CHRM3: variants seen among roughly 807,000 people sequenced by gnomAD.
CHRM3 encodes muscarinic acetylcholine receptor M3.
In CHRM3, 11 loss-of-function variants were observed where a neutral mutation model predicts 41.8. The observed-to-expected ratio is 0.26, with a 90% confidence interval of 0.17 to 0.44. The LOEUF (loss-of-function observed/expected upper bound fraction) is 0.44, where lower values mean the gene tolerates loss of function less well. Ranked by LOEUF, CHRM3 falls within the 20% of genes least tolerant of loss-of-function variation. CHRM3 has a pLI of 1.00. For missense variants in CHRM3, 571 were observed against 745.4 expected (o/e 0.77, Z 2.72); for synonymous variants, 297 against 301.4 (o/e 0.99, Z 0.15).
chr1:239,581,300 T>G (rs2148590311), intron 3 of CHRM3, among the ~76,000 whole-genome samples: 1 of 152,260 alleles, frequency 6.6e-6, no homozygotes, highest in East Asian at 1.9e-4. Context: ...TTAAAGAGAA[T>G]AGATATTGCT....
rs10495449 is a variant in CHRM3, at chr1:239,913,308, A to G, written c.*4084A>G. ...CTTTGGTTTTGCAATAGCATTTCTC[A>G]TAACAGAACTGAAACTGTATAGATT... On this transcript the variant is annotated 3_prime_UTR_variant, in exon 7 of 7. Coordinates refer to ENST00000676153, the MANE Select transcript of CHRM3 (RefSeq NM_001375978.1). 0.32 allele frequency: 52,807 copies of G among 166,896 alleles called. 10,703 individuals are homozygous for G. Among genetic ancestry groups the G allele is most frequent in the African/African-American group, 0.6 (24,709 of 41,398 alleles). 10.3% of individuals were successfully genotyped at this position (166,896 alleles called of 1,614,324 possible). A position where few individuals can be genotyped will look rare whatever the true frequency, so the allele number is the denominator to read the frequency against.
intron 6 of CHRM3, among the ~76,000 whole-genome samples, chr1:239,841,250 T>C (rs10925986): frequency 0.028 from 4,329 of 152,256 alleles, 191 homozygotes; most frequent in African/African-American, 0.099. Flanking sequence ...AATAGCAATA[T>C]GGTATGTGTT....
intron 5 of CHRM3, among the ~76,000 whole-genome samples, chr1:239,811,423 A>G (rs939876131): frequency 1.3e-5 from 2 of 152,130 alleles, no homozygotes; most frequent in African/African-American, 2.4e-5. Context: ...CTGTGCCCTA[A>G]AGCCCTTCAC....
At chr1:239,687,943 G>C (rs1659308453) in intron 5 of CHRM3, among the ~76,000 whole-genome samples, 2 of 151,992 alleles carry the variant, frequency 1.3e-5, no homozygotes, top group Non-Finnish European at 2.9e-5. Flanking sequence ...ACATTTCTTA[G>C]AACATGTTAA....
intron 2 of CHRM3, among the ~76,000 whole-genome samples, chr1:239,545,010 T>G (rs1303873055): frequency 6.6e-6 from 1 of 151,134 alleles, no homozygotes; most frequent in Non-Finnish European, 1.5e-5. Flanking sequence ...CATTGCAGAT[T>G]TGTGGTGAAG....
intron 6 of CHRM3, among the ~76,000 whole-genome samples, chr1:239,842,541 C>CT (rs1444205186): frequency 6.6e-6 from 1 of 152,054 alleles, no homozygotes; most frequent in African/African-American, 2.4e-5. Context: ...AGCAGCCCTT[C>CT]TTTCTTAATG....
intron 5 of CHRM3, among the ~76,000 whole-genome samples, chr1:239,755,982 G>A (rs1666211030): frequency 6.6e-6 from 1 of 152,110 alleles, no homozygotes; most frequent in South Asian, 2.1e-4. Context: ...TATAGATGAG[G>A]CAGTTGTATG....
Position 239,505,377 on chromosome 1 carries a change from C to A in CHRM3, c.-422+12570C>A, listed in dbSNP as rs374256890. 1.1e-4 allele frequency among the ~76,000 whole-genome samples: 17 copies of A among 152,148 alleles called. No individual in the cohort carries two copies. The East Asian group carries it at 1.9e-3, about 17-fold the overall frequency. ...CCCACATGTTGTGAGGGGGACCTGG[C>A]AGGAGGTAATTGAATCACTGGGGCA... On this transcript the variant is annotated intron_variant, in intron 2 of 6. Transcript: ENST00000676153.
At chr1:239,484,419 A>G (rs1003741148) in intron 1 of CHRM3, among the ~76,000 whole-genome samples, 3 of 152,036 alleles carry the variant, frequency 2.0e-5, no homozygotes, top group African/African-American at 4.8e-5. Context: ...AGGATAAGGT[A>G]CCTCCCACCA....
At chr1:239,845,482 T>G (rs1448764033) in intron 6 of CHRM3, among the ~76,000 whole-genome samples, 1 of 152,198 alleles carries the variant, frequency 6.6e-6, no homozygotes, top group East Asian at 1.9e-4. Flanking sequence ...GTCTTGTGTC[T>G]CCAGAAGGCT....
intron 3 of CHRM3, among the ~76,000 whole-genome samples, chr1:239,587,941 C>T (rs1473282766): frequency 1.3e-5 from 2 of 152,146 alleles, no homozygotes. Flanking sequence ...CTTATGCATT[C>T]TGATTTTATT....
At chr1:239,758,874 A>C (rs1666457732) in intron 5 of CHRM3, among the ~76,000 whole-genome samples, 1 of 152,218 alleles carries the variant, frequency 6.6e-6, no homozygotes, top group African/African-American at 2.4e-5. Context: ...GGACTGTCAC[A>C]GAAATGTAAG....
At chr1:239,396,193 T>C (rs1659461568) in intron 1 of CHRM3, among the ~76,000 whole-genome samples, 1 of 152,118 alleles carries the variant, frequency 6.6e-6, no homozygotes, top group Non-Finnish European at 1.5e-5. Context: ...TCACTCTTGG[T>C]TTTAGTGTGT....
intron 5 of CHRM3, among the ~76,000 whole-genome samples, chr1:239,768,235 T>A (rs987485059): frequency 2.0e-5 from 3 of 152,176 alleles, no homozygotes; most frequent in Non-Finnish European, 4.4e-5. Context: ...GTAAATTCTT[T>A]CTCCTAAAGC....
At chr1:239,800,684 C>T (rs943992856) in intron 5 of CHRM3, among the ~76,000 whole-genome samples, 2 of 152,168 alleles carry the variant, frequency 1.3e-5, no homozygotes, top group Non-Finnish European at 2.9e-5. Flanking sequence ...GTGGAGTGCA[C>T]CTCCTGCAGG....
intron 4 of CHRM3, among the ~76,000 whole-genome samples, chr1:239,662,211 C>T (rs539365922): frequency 6.6e-6 from 1 of 151,324 alleles, no homozygotes; most frequent in South Asian, 2.1e-4. Context: ...GTTGCAAATA[C>T]ACTTCTTATT....
In CHRM3 at chr1:239,506,719, C is replaced by T. The variant is rs150537838; in HGVS notation, c.-422+13912C>T. Among the ~76,000 whole-genome samples the T allele has an allele frequency of 1.2e-3, 184 of 152,268 alleles. 1 individual carries two copies. Among genetic ancestry groups the T allele is most frequent in the Admixed American group, 3.5e-3 (53 of 15,300 alleles). ...GAACCCAGAGTGGTAGAACTACAGA[C>T]AACTTGCCCCAAGCACCTACAAAAG... On this transcript the variant is annotated intron_variant, in intron 2 of 6. Coordinates refer to ENST00000676153, the MANE Select transcript of CHRM3 (RefSeq NM_001375978.1).
intron 1 of CHRM3, among the ~76,000 whole-genome samples, chr1:239,402,543 C>G (rs572103886): frequency 2.0e-5 from 3 of 152,290 alleles, no homozygotes; most frequent in African/African-American, 7.2e-5. Context: ...TGTCATGTCA[C>G]TGTAGCCACA....
At chr1:239,648,840 G>A (rs764121915) in intron 4 of CHRM3, among the ~76,000 whole-genome samples, 4 of 152,050 alleles carry the variant, frequency 2.6e-5, no homozygotes, top group Non-Finnish European at 4.4e-5. Flanking sequence ...TGAGATGTTC[G>A]GTCTCAAGAA....
Sources: allele counts gnomAD v4.1 joint callset (sites outside exome capture counted in the v4.1 genomes callset), GRCh38; gene constraint gnomAD v4.1.1; transcripts MANE v1.5; gene names NCBI Gene and HGNC (gene_info 2026-07-23, HGNC 2026-07-21).